Variants in RNF31 observed in about 807,000 individuals in gnomAD.
RNF31 encodes the protein ring finger protein 31.
A neutral mutation model predicts 133.6 loss-of-function variants in RNF31; 38 were observed. The ratio of observed to expected loss-of-function variants is 0.28; its 90% CI spans 0.22 to 0.37. The LOEUF is 0.37. Among genes scored for constraint, RNF31 ranks in the 10% least tolerant of loss-of-function variants. The probability of loss-of-function intolerance (pLI) is 1.00; values close to 1 mark genes in which losing one functional copy is unlikely to be tolerated. For synonymous variants in RNF31, 582 were observed against 552.3 expected (o/e 1.05, Z -0.75); for missense variants, 1,118 against 1,394.1 (o/e 0.80, Z 3.15).
Position 24,151,481 on chromosome 14 carries a change from G to C in RNF31, c.1738-4G>C, listed in dbSNP as rs1206673794. The C allele has an allele frequency of 5.0e-6, 8 of 1,613,914 alleles. No individual in the cohort carries two copies. The highest frequency in any genetic ancestry group is 6.8e-6 in the Non-Finnish European group (8 of 1,179,910). ...CATTCCCCCTTGCCACTCCCATCTT[G>C]CAGGTGCAGGAGCTCCAGTCTCTAG... On this transcript the variant is annotated splice_region_variant and splice_polypyrimidine_tract_variant and intron_variant, in intron 9 of 20. Coordinates refer to ENST00000324103, the MANE Select transcript of RNF31 (RefSeq NM_017999.5). The surrounding 1 kb of genome is among the most constrained non-coding windows in gnomAD (Gnocchi z 5.3).
rs781312517 is a variant in RNF31 at position 24,160,341 on chromosome 14, C to T, written c.3099C>T (p.Tyr1033=). 7.4e-6 allele frequency: 12 copies of T among 1,614,220 alleles called. No homozygotes were observed. ...AGCTGGAGACGGCCACTGAGCGCTA[C>T]CTGCACGTACGCCCCCAGCCTTTGG... ...VEELETATER[Y]LHVRPQPLAG... is the part of the protein sequence containing the mutation. Residue 1033 remains tyrosine (Y), a synonymous_variant, in exon 20 of 21, where the codon TAC becomes TAT. Transcript: ENST00000324103. This position sits in a 1 kb window ranked among gnomAD's most constrained non-coding sequence, Gnocchi z 4.0.
intron 5 of RNF31, 160 bp downstream of exon 5, chr14:24,149,036 T>C: frequency 1.4e-6 from 1 of 713,760 alleles, no homozygotes; most frequent in Non-Finnish European, 2.4e-6. Context: ...CGATCTCCGC[T>C]CACCGCAACC....
At chr14:24,148,592 C>T (rs372679412) in intron 3 of RNF31, 50 bp from the exon 4 acceptor site, 1 of 1,602,902 alleles carries the variant, frequency 6.2e-7, no homozygotes, top group Non-Finnish European at 8.5e-7. Flanking sequence ...AGAGGGAGGG[C>T]TTTGTTCTAG....
At chr14:24,150,911 G>C in intron 8 of RNF31, 23 bp downstream of exon 8, 4 of 1,540,386 alleles carry the variant, frequency 2.6e-6, no homozygotes, top group Non-Finnish European at 3.5e-6. Flanking sequence ...CCTGCGATGA[G>C]GTAGGGCTGA....
Position 24,160,320 on chromosome 14 carries a change from G to T in RNF31, c.3078G>T (p.Leu1026=). 1 of 1,614,214 alleles carries T rather than the reference G, an allele frequency of 6.2e-7. No individual in the cohort carries two copies. The change falls in exon 20 of 21, where the codon CTG becomes CTT. Residue 1026 remains leucine (L), a synonymous_variant. Transcript: ENST00000324103. The surrounding 1 kb of genome is among the most constrained non-coding windows in gnomAD (Gnocchi z 4.0). The part of the protein sequence containing the change: ...DPATLYEVEE[L]ETATERYLHV... Reference sequence around the variant, plus strand: ...CCACCTTGTATGAGGTGGAAGAGCTGGAGACGGCCACTGAGCGCTACCTGC... The same window carrying T: ...CCACCTTGTATGAGGTGGAAGAGCTTGAGACGGCCACTGAGCGCTACCTGC...
In RNF31 at chr14:24,155,419, C is replaced by G; in HGVS notation, c.2310C>G (p.Arg770=). 1 of 1,614,186 alleles carries G rather than the reference C, an allele frequency of 6.2e-7. No individual in the cohort carries two copies. The highest frequency in any genetic ancestry group is 1.1e-5 in the South Asian group (1 of 91,080). The change falls in exon 13 of 21, where the codon CGC becomes CGG. Residue 770 remains arginine, a synonymous_variant. Coordinates refer to ENST00000324103, the MANE Select transcript of RNF31 (RefSeq NM_017999.5). The surrounding 1 kb of genome is among the most constrained non-coding windows in gnomAD (Gnocchi z 4.9). ...SYFSTLDIQL[R]ESLEPDAYAL... is the part of the protein sequence containing the mutation. ...CCTCTGCATCCTGTCCCCAGCTTCG[C>G]GAGAGCCTAGAGCCAGATGCCTATG... is the stretch of plus-strand genomic sequence containing the variant.
chr14:24,150,925 G>A lies in RNF31; in HGVS notation c.1488+37G>A, dbSNP rs141243109. On this transcript the variant is annotated intron_variant, in intron 8 of 20. Coordinates refer to ENST00000324103, the MANE Select transcript of RNF31 (RefSeq NM_017999.5). ...GCCTGCGATGAGGTAGGGCTGAGCT[G>A]GTCTGGGAAAGGAGATGCTGCAGGT... 1,914 of 1,534,636 alleles carry A rather than the reference G, an allele frequency of 1.2e-3. 17 individuals are homozygous for A. The African/African-American group carries it at 0.023, about 19-fold the overall frequency.
Position 24,150,893 on chromosome 14 carries a change from G to T in RNF31, c.1488+5G>T, listed in dbSNP as rs777169514. The T allele has an allele frequency of 2.6e-6, 4 of 1,547,020 alleles. No homozygotes were observed. Among genetic ancestry groups the T allele is most frequent in the Non-Finnish European group, 3.5e-6 (4 of 1,146,572 alleles). ...CAGCTAGTGAGCATGATCCGGGTAA[G>T]GACTGGGCCTGCGATGAGGTAGGGC... On this transcript the variant is annotated splice_donor_5th_base_variant and intron_variant, in intron 8 of 20. Transcript: ENST00000324103.
chr14:24,157,850 G>A (rs1427411644), intron 16 of RNF31, 48 bp from the exon 17 acceptor site: 1 of 1,520,966 alleles, frequency 6.6e-7, no homozygotes, highest in East Asian at 2.3e-5. Context: ...GAGAGGCCAG[G>A]ACCCCAACAG....
chr14:24,147,952 C>A, intron 1 of RNF31, 24 bp from the exon 2 acceptor site: 1 of 1,614,124 alleles, frequency 6.2e-7, no homozygotes, highest in Non-Finnish European at 8.5e-7. Flanking sequence ...CACGCTCACA[C>A]CTCTCTGCTC....
At position 24,150,264 on chromosome 14, in the gene RNF31, G is replaced by A. The variant is rs1566613281; in HGVS notation, c.1013G>A (p.Gly338Asp). ...GCKGLGLGTE[G>D]PQGTGGLEPD... ...AAGGGGTTGGGGTTGGGAACTGAGG[G>A]TCCCCAAGGAACTGGAGGCCTAGAA... Residue 338 changes from glycine to aspartate, a missense_variant, in exon 7 of 21, where the codon GGT becomes GAT. Transcript: ENST00000324103. 3 of 1,614,212 alleles carry A rather than the reference G, an allele frequency of 1.9e-6. No homozygotes were observed. The highest frequency in any genetic ancestry group is 2.5e-6 in the Non-Finnish European group (3 of 1,180,038).
chr14:24,150,574 G>T, intron 7 of RNF31, 24 bp from the exon 8 acceptor site: 1 of 1,599,342 alleles, frequency 6.3e-7, no homozygotes, highest in Non-Finnish European at 8.6e-7. Flanking sequence ...CCAGTCAAAG[G>T]GATAATTCTC....
rs1566613319 is a variant in RNF31, at chr14:24,150,325, C to T, written c.1074C>T (p.Ser358=). 5 of 1,614,158 alleles carry T rather than the reference C, an allele frequency of 3.1e-6. No individual in the cohort carries two copies. Among genetic ancestry groups the T allele is most frequent in the Middle Eastern group, 3.3e-4 (2 of 6,062 alleles). The change falls in exon 7 of 21, where the codon AGC becomes AGT. Residue 358 remains serine, a synonymous_variant. Transcript: ENST00000324103. ...DLARGRWACQ[S]CTFENEAAAV... is the part of the protein sequence containing the mutation. ...CACGGGGTCGGTGGGCCTGCCAGAG[C>T]TGTACCTTTGAGAATGAGGCAGCTG...
At chr14:24,154,567 C>T (rs936092729) in intron 11 of RNF31, among the ~76,000 whole-genome samples, 2 of 152,170 alleles carry the variant, frequency 1.3e-5, no homozygotes, top group African/African-American at 2.4e-5. Flanking sequence ...TGTGAGCCAG[C>T]GTGCCCGGCC....
chr14:24,148,958 C>G, intron 5 of RNF31, 82 bp downstream of exon 5: 1 of 1,203,698 alleles, frequency 8.3e-7, no homozygotes, highest in Middle Eastern at 1.9e-4. Flanking sequence ...TCTTGGTTAT[C>G]TTCCTTTGTG....
rs991758590 is a variant in RNF31, at chr14:24,155,382, T to C, written c.2305-32T>C. The C allele has an allele frequency of 1.3e-6, 2 of 1,529,346 alleles. No individual in the cohort carries two copies. Among genetic ancestry groups the C allele is most frequent in the Admixed American group, 3.4e-5 (2 of 59,700 alleles). The allele number at this position is 1,529,346 out of a possible 1,614,324, so 94.7% of individuals were successfully genotyped here. ...TACCCTGAGCTTTGAACAGGGACCC[T>C]CCCACCCACCACCTCTGCATCCTGT... On this transcript the variant is annotated intron_variant, in intron 12 of 20. Coordinates refer to ENST00000324103, the MANE Select transcript of RNF31 (RefSeq NM_017999.5). The surrounding 1 kb of genome is among the most constrained non-coding windows in gnomAD (Gnocchi z 4.9).
At chr14:24,156,951 T>C (rs2038349151) in intron 14 of RNF31, among the ~76,000 whole-genome samples, 1 of 151,906 alleles carries the variant, frequency 6.6e-6, no homozygotes, top group African/African-American at 2.4e-5. Flanking sequence ...GAATTGACCC[T>C]AGGGGAGCAG....
In RNF31 at chr14:24,150,712, C is replaced by G; in HGVS notation, c.1312C>G (p.Pro438Ala). Residue 438 changes from proline (P) to alanine (A), a missense_variant, in exon 8 of 21, where the codon CCC (proline) becomes GCC (alanine). Pro to Ala is a conservative substitution (Grantham distance 27, BLOSUM62 -1). Coordinates refer to ENST00000324103, the MANE Select transcript of RNF31 (RefSeq NM_017999.5). ...TGTTATGTGCAACCGGACTAGTAGC[C>G]CCATTCCAGCACAACATGCCCCCCG... ...VCVMCNRTSS[P>A]IPAQHAPRPY... The G allele has an allele frequency of 6.2e-7, 1 of 1,614,222 alleles. No individual in the cohort carries two copies. The highest frequency in any genetic ancestry group is 8.5e-7 in the Non-Finnish European group (1 of 1,180,036).
rs1044391355 is a variant in RNF31 at position 24,157,445 on chromosome 14, C to T, written c.2608+41C>T. 1.6e-5 allele frequency: 25 copies of T among 1,601,832 alleles called. No homozygotes were observed. The East Asian group carries it at 2.2e-4, about 14-fold the overall frequency. On this transcript the variant is annotated intron_variant, in intron 15 of 20. Coordinates refer to ENST00000324103, the MANE Select transcript of RNF31 (RefSeq NM_017999.5). ...TCGGCCTGTTTGCTCAGAAGCCTGT[C>T]ATTGCCAGCAGCTCTCTTCCTGAGG...
Sources: allele counts gnomAD v4.1 joint callset (sites outside exome capture counted in the v4.1 genomes callset), GRCh38; gene constraint gnomAD v4.1.1; non-coding constraint Gnocchi (gnomAD v3.1); transcripts MANE v1.5; gene names NCBI Gene and HGNC (gene_info 2026-07-23, HGNC 2026-07-21).